The following ARHGEF10 variants were observed in gnomAD, a reference collection of about 807,000 sequenced individuals.
ARHGEF10 encodes Rho guanine nucleotide exchange factor (GEF) 10.
Under a neutral mutation model 147.4 loss-of-function variants are expected in ARHGEF10, and 140 were observed. The ratio of observed to expected loss-of-function variants is 0.95; its 90% CI spans 0.83 to 1.09. ARHGEF10 has a LOEUF of 1.09. Ranked by LOEUF, ARHGEF10 falls within the 50% of genes least tolerant of loss-of-function variation. ARHGEF10 has a pLI of 0.00. For missense variants in ARHGEF10, 2,222 were observed against 1,752.7 expected, an observed-to-expected ratio of 1.27 and a Z score of -4.78; for synonymous variants, 902 against 695.8, an observed-to-expected ratio of 1.30 and a Z score of -4.67.
intron 9 of ARHGEF10, among the ~76,000 whole-genome samples, chr8:1,882,019 G>C (rs952995745): frequency 6.6e-6 from 1 of 152,344 alleles, no homozygotes; most frequent in Admixed American, 6.5e-5. Context: ...CTCTGGCCGA[G>C]GAAGTGGAGG....
chr8:1,826,563 TGA>T (rs1358323483), intron 1 of ARHGEF10, among the ~76,000 whole-genome samples: 2 of 152,142 alleles, frequency 1.3e-5, no homozygotes, highest in East Asian at 3.9e-4. Context: ...TCACGGGACT[TGA>T]GGGTGCTCAC....
intron 18 of ARHGEF10, among the ~76,000 whole-genome samples, chr8:1,911,947 G>A (rs1811390277): frequency 1.3e-5 from 2 of 152,198 alleles, no homozygotes; most frequent in East Asian, 3.8e-4. Context: ...ATTATATCGA[G>A]AAGCTAAGTC....
At chr8:1,830,320 T>C (rs767321234) in intron 1 of ARHGEF10, among the ~76,000 whole-genome samples, 1 of 91,594 alleles carries the variant, frequency 1.1e-5, no homozygotes, top group Non-Finnish European at 2.4e-5. Flanking sequence ...GCTTGACTCC[T>C]GGGCGTGGCT....
At chr8:1,924,197 G>A (rs1048320368) in intron 21 of ARHGEF10, among the ~76,000 whole-genome samples, 3 of 152,136 alleles carry the variant, frequency 2.0e-5, no homozygotes, top group African/African-American at 7.2e-5. Context: ...GGCGGGCGGC[G>A]GGCGGCGGCC....
intron 16 of ARHGEF10, chr8:1,904,014 T>C (rs1810690186): frequency 6.3e-6 from 1 of 159,692 alleles, no homozygotes; most frequent in Non-Finnish European, 1.4e-5. Context: ...AGAGGATTGC[T>C]CGAGCCTGGG....
intron 1 of ARHGEF10, chr8:1,825,997 C>T (rs561033019): frequency 1.2e-6 from 1 of 865,070 alleles, no homozygotes; most frequent in African/African-American, 1.7e-5. Context: ...CTGAGGTTTA[C>T]ACGTCATGTA....
chr8:1,847,050 A>T (rs1219144281), intron 2 of ARHGEF10, among the ~76,000 whole-genome samples: 2 of 152,130 alleles, frequency 1.3e-5, no homozygotes, highest in Non-Finnish European at 2.9e-5. Context: ...GTCCATGCCC[A>T]TTCCTCACCT....
chr8:1,933,445 A>T (rs1342413787), intron 25 of ARHGEF10, among the ~76,000 whole-genome samples: 1 of 151,734 alleles, frequency 6.6e-6, no homozygotes, highest in African/African-American at 2.4e-5. Context: ...AACTTTTGAT[A>T]CAACCTTTGC....
chr8:1,945,337 C>A, intron 26 of ARHGEF10, 144 bp from the exon 27 acceptor site: 1 of 1,006,310 alleles, frequency 9.9e-7, no homozygotes, highest in Non-Finnish European at 1.5e-6. Flanking sequence ...TGTTTGGTTG[C>A]TGGAGACGCC....
intron 6 of ARHGEF10, among the ~76,000 whole-genome samples, chr8:1,868,308 C>T (rs1041417813): frequency 6.6e-6 from 1 of 152,140 alleles, no homozygotes; most frequent in Non-Finnish European, 1.5e-5. Flanking sequence ...CATTTTCTGT[C>T]TTATGTGGCT....
At chr8:1,952,679 G>A (rs1815151365) in intron 27 of ARHGEF10, 26 bp from the exon 28 acceptor site, 11 of 1,612,750 alleles carry the variant, frequency 6.8e-6, no homozygotes, top group African/African-American at 4.0e-5. Flanking sequence ...AACCAGACCC[G>A]AAGCCACTCA....
chr8:1,841,926 G>A (rs1374118557), intron 1 of ARHGEF10, among the ~76,000 whole-genome samples: 43 of 69,752 alleles, frequency 6.2e-4, no homozygotes, highest in Admixed American at 9.7e-4. Flanking sequence ...TGGGGCCGCG[G>A]CGGGAACTGG....
intron 14 of ARHGEF10, among the ~76,000 whole-genome samples, chr8:1,896,961 G>C (rs1470506296): frequency 2.0e-5 from 3 of 152,224 alleles, no homozygotes; most frequent in African/African-American, 4.8e-5. Context: ...CCTGATGGGT[G>C]TGGGTTAGCG....
At chr8:1,853,796 C>G (rs1458816853) in intron 2 of ARHGEF10, among the ~76,000 whole-genome samples, 1 of 152,216 alleles carries the variant, frequency 6.6e-6, no homozygotes, top group East Asian at 1.9e-4. Flanking sequence ...CCTCTTCCAG[C>G]GCCCGCCGGC....
Position 1,896,386 on chromosome 8 carries a change from C to T in ARHGEF10, c.1494C>T (p.Ser498=). 1.2e-6 allele frequency: 2 copies of T among 1,614,048 alleles called. No homozygotes were observed. Among genetic ancestry groups the T allele is most frequent in the South Asian group, 1.1e-5 (1 of 91,078 alleles). The change falls in exon 14 of 29, where the codon AGC becomes AGT. Residue 498 remains serine (S), a synonymous_variant. Transcript: ENST00000349830. ...ACAGTGAATATGTGAACAATTTCAGCACAGCCGTGGCAGTCCTCAAGAAAA... is the reference window on the plus strand; with the variant it reads ...ACAGTGAATATGTGAACAATTTCAGTACAGCCGTGGCAGTCCTCAAGAAAA... ...DAYSEYVNNF[S]TAVAVLKKTC... is the part of the protein sequence containing the mutation.
intron 2 of ARHGEF10, among the ~76,000 whole-genome samples, chr8:1,854,544 C>T (rs1311053529): frequency 2.1e-5 from 3 of 143,712 alleles, no homozygotes; most frequent in African/African-American, 7.4e-5. Context: ...AGGGCAGCTC[C>T]GCCAGTGTCT....
At chr8:1,836,183 A>G (rs1585215232) in intron 1 of ARHGEF10, among the ~76,000 whole-genome samples, 1 of 24,678 alleles carries the variant, frequency 4.1e-5, no homozygotes, top group Non-Finnish European at 1.1e-4. Flanking sequence ...TCTGCCATGG[A>G]AAAAAAAAAA....
chr8:1,886,185 A>G (rs59181947), intron 11 of ARHGEF10, among the ~76,000 whole-genome samples: 8,363 of 152,288 alleles, frequency 0.055, 268 homozygotes, highest in East Asian at 0.11. Flanking sequence ...AAGGGAAAAA[A>G]TCAGTGGTTT....
rs754618634 is a variant in ARHGEF10, at chr8:1,843,470, G to C, written c.37+34G>C. ...ACTCAGTAGGTGGGCCTGTGGGTCA[G>C]GTTGTGCTGCTGCTCTCATCAAGGA... On this transcript the variant is annotated intron_variant, in intron 2 of 28. Coordinates refer to ENST00000349830, the MANE Select transcript of ARHGEF10 (RefSeq NM_014629.4). 4 of 1,545,008 alleles carry C rather than the reference G, an allele frequency of 2.6e-6. No individual in the cohort carries two copies. The Admixed American group carries it at 5.0e-5, about 19-fold the overall frequency.
Sources: allele counts gnomAD v4.1 joint callset (sites outside exome capture counted in the v4.1 genomes callset), GRCh38; gene constraint gnomAD v4.1.1; transcripts MANE v1.5; gene names NCBI Gene and HGNC (gene_info 2026-07-23, HGNC 2026-07-21).